MAP2: variants seen among roughly 807,000 people sequenced by gnomAD.
MAP2 encodes microtubule associated protein 2.
Under a neutral mutation model 137.6 loss-of-function variants are expected in MAP2, and 14 were observed. That is an observed-to-expected ratio of 0.10 (90% CI 0.07 to 0.16). The LOEUF (loss-of-function observed/expected upper bound fraction) is 0.16, where lower values mean the gene tolerates loss of function less well. Among genes scored for constraint, MAP2 ranks in the 10% least tolerant of loss-of-function variants. The probability of loss-of-function intolerance (pLI) is 1.00; values close to 1 mark genes in which losing one functional copy is unlikely to be tolerated. For missense variants in MAP2, 2,088 were observed against 2,191.5 expected, an observed-to-expected ratio of 0.95 and a Z score of 0.94; for synonymous variants, 786 against 782.3, an observed-to-expected ratio of 1.00 and a Z score of -0.08.
chr2:209,641,355 A>G (rs2153577705), intron 4 of MAP2, among the ~76,000 whole-genome samples: 1 of 152,310 alleles, frequency 6.6e-6, no homozygotes, highest in African/African-American at 2.4e-5. Context: ...AATCCAAATT[A>G]TAATTTTCCT....
rs1583061732 is a variant in MAP2 at position 209,674,051 on chromosome 2, G to A, written c.263-4521G>A. ...CCTATGCATCCAGGAAACTGGGTGT[G>A]AAGCCAGAAAATAAATAACAAAGAC... is the stretch of plus-strand genomic sequence containing the variant. On this transcript the variant is annotated intron_variant, in intron 5 of 15. Coordinates refer to ENST00000682079, the MANE Select transcript of MAP2 (RefSeq NM_001375505.1). 3.3e-5 allele frequency among the ~76,000 whole-genome samples: 5 copies of A among 151,702 alleles called. No homozygotes were observed. The East Asian group carries it at 7.7e-4, about 23-fold the overall frequency.
rs540088137 is a variant in MAP2, at chr2:209,434,482, T to C, written c.-222+10206T>C. 3.0e-3 allele frequency among the ~76,000 whole-genome samples: 461 copies of C among 151,920 alleles called. 2 individuals are homozygous for C. Among genetic ancestry groups the C allele is most frequent in the African/African-American group, 0.01 (433 of 41,478 alleles). ...TTTATTTTTAGGATTATTTTTATTA[T>C]GTAAATTACTTTAATGTGGAACCAT... On this transcript the variant is annotated intron_variant, in intron 1 of 15. Transcript: ENST00000682079.
chr2:209,680,605 A>G, intron 6 of MAP2, 145 bp from the exon 7 acceptor site: 1 of 682,918 alleles, frequency 1.5e-6, no homozygotes, highest in Non-Finnish European at 2.6e-6. Context: ...TAATGGGCCT[A>G]TAAATAAACC....
chr2:209,569,988 A>T (rs184663381), intron 2 of MAP2, among the ~76,000 whole-genome samples: 1 of 151,986 alleles, frequency 6.6e-6, no homozygotes, highest in Non-Finnish European at 1.5e-5. Flanking sequence ...CTCTGCCAAG[A>T]TTAAACCAGA....
chr2:209,729,854 C>T lies in MAP2; in HGVS notation c.5160C>T (p.Gly1720=), dbSNP rs780072425. ...AAGGTATTTCTTCCCTCATAGGTGG[C>T]GGACGTGTGAAAATTGAGAGTGTAA... ...SLKNIRHRPG[G]GRVKIESVKL... The change falls in exon 15 of 16, where the codon GGC becomes GGT. Residue 1720 remains glycine (G), a synonymous_variant. Transcript: ENST00000682079. The T allele has an allele frequency of 4.4e-6, 7 of 1,605,556 alleles. No individual in the cohort carries two copies. Among genetic ancestry groups the T allele is most frequent in the East Asian group, 4.5e-5 (2 of 44,808 alleles).
At chr2:209,578,319 G>C (rs903295603) in intron 2 of MAP2, among the ~76,000 whole-genome samples, 1 of 151,820 alleles carries the variant, frequency 6.6e-6, no homozygotes, top group Non-Finnish European at 1.5e-5. Flanking sequence ...AAATTAGCTA[G>C]TGATTAAAAA....
intron 2 of MAP2, among the ~76,000 whole-genome samples, chr2:209,552,384 A>G (rs974308722): frequency 6.6e-6 from 1 of 152,182 alleles, no homozygotes. Flanking sequence ...GACATTTAGC[A>G]CAGTGCCAGG....
intron 3 of MAP2, among the ~76,000 whole-genome samples, chr2:209,606,046 T>G (rs967945944): frequency 6.6e-6 from 1 of 152,052 alleles, no homozygotes; most frequent in Admixed American, 6.5e-5. Context: ...AAATGATCAG[T>G]TTTTTTAGTG....
At position 209,582,367 on chromosome 2, in the gene MAP2, G is replaced by A. The variant is rs188211983; in HGVS notation, c.-107+2267G>A. Among the ~76,000 whole-genome samples the A allele has an allele frequency of 4.6e-5, 7 of 152,070 alleles. No individual in the cohort carries two copies. In the East Asian group the frequency reaches 1.4e-3, roughly 29 times the overall value. On this transcript the variant is annotated intron_variant, in intron 3 of 15. Coordinates refer to ENST00000682079, the MANE Select transcript of MAP2 (RefSeq NM_001375505.1). ...GGCTGTACGGAATAGGATTTTTCTG[G>A]TTTTAGATTAAAACGGAAAGAATTC...
At chr2:209,708,366 C>A (rs2064168086) in intron 12 of MAP2, among the ~76,000 whole-genome samples, 1 of 152,300 alleles carries the variant, frequency 6.6e-6, no homozygotes, top group East Asian at 1.9e-4. Context: ...GTCTAACTAT[C>A]TTGTGCCCTG....
chr2:209,693,137 A>G lies in MAP2; in HGVS notation c.967A>G (p.Thr323Ala), dbSNP rs755499233. ...MPSPFQGGSF[T>A]LPLDVMKNEI... ...AAGTCCCTTTCAAGGGGGAAGCTTC[A>G]CTCTTCCTTTAGATGTCATGAAGAA... Residue 323 changes from threonine (T) to alanine (A), a missense_variant, in exon 8 of 16, where the codon ACT becomes GCT. Thr to Ala is a moderately conservative substitution (Grantham distance 58, BLOSUM62 0). Coordinates refer to ENST00000682079, the MANE Select transcript of MAP2 (RefSeq NM_001375505.1). 8 of 1,611,312 alleles carry G rather than the reference A, an allele frequency of 5.0e-6. No individual in the cohort carries two copies. In the East Asian group the frequency reaches 1.6e-4, roughly 31 times the overall value.
At chr2:209,679,028 C>G (rs2053278912) in intron 6 of MAP2, among the ~76,000 whole-genome samples, 1 of 152,068 alleles carries the variant, frequency 6.6e-6, no homozygotes, top group South Asian at 2.1e-4. Flanking sequence ...TATACTAAAA[C>G]TTTCATAAGA....
At chr2:209,490,975 A>C (rs1474985006) in intron 1 of MAP2, among the ~76,000 whole-genome samples, 1 of 152,138 alleles carries the variant, frequency 6.6e-6, no homozygotes, top group Non-Finnish European at 1.5e-5. Context: ...AGAACTCTCC[A>C]CCCCAAATCA....
intron 5 of MAP2, among the ~76,000 whole-genome samples, chr2:209,659,592 T>C (rs1300284697): frequency 1.3e-5 from 2 of 152,216 alleles, no homozygotes; most frequent in Non-Finnish European, 2.9e-5. Context: ...ATCATAACTT[T>C]ATTCCTAGTT....
In MAP2 at chr2:209,696,915, A is replaced by G; in HGVS notation, c.4388-2A>G. 6.3e-7 allele frequency: 1 copy of G among 1,594,930 alleles called. No homozygotes were observed. The highest frequency in any genetic ancestry group is 8.5e-7 in the Non-Finnish European group (1 of 1,175,022). On this transcript the variant is annotated splice_acceptor_variant, in intron 9 of 15. Coordinates refer to ENST00000682079, the MANE Select transcript of MAP2 (RefSeq NM_001375505.1). LOFTEE classifies it high-confidence loss of function. The stretch of plus-strand genomic sequence containing the variant: ...ATGCTTTTTGTGTTTTCTTATTCAT[A>G]GCAGTTTATAAGAAGGCTGAACTTG...
At chr2:209,496,558 A>G (rs1274289603) in intron 1 of MAP2, among the ~76,000 whole-genome samples, 1 of 152,120 alleles carries the variant, frequency 6.6e-6, no homozygotes. Context: ...ATCACGTAAA[A>G]TCATACCCTC....
intron 4 of MAP2, among the ~76,000 whole-genome samples, chr2:209,626,842 A>G (rs2092398063): frequency 6.6e-6 from 1 of 152,158 alleles, no homozygotes; most frequent in South Asian, 2.1e-4. Flanking sequence ...ATTATTAATT[A>G]TTATTTCTAA....
At chr2:209,635,261 G>GA (rs2093451776) in intron 4 of MAP2, among the ~76,000 whole-genome samples, 1 of 151,972 alleles carries the variant, frequency 6.6e-6, no homozygotes, top group Admixed American at 6.6e-5. Flanking sequence ...AATTAATGTA[G>GA]AAAACCTCAT....
chr2:209,692,972 G>A lies in MAP2; in HGVS notation c.802G>A (p.Glu268Lys), dbSNP rs147043359. 83 of 1,613,874 alleles carry A rather than the reference G, an allele frequency of 5.1e-5. No homozygotes were observed. The African/African-American group carries it at 6.9e-4, about 13-fold the overall frequency. ...TPKEQKDWFI[E>K]MPTEAKKDEW... ...AAAAGAACAAAAGGACTGGTTCATC[G>A]AAATGCCAACGGAAGCAAAAAAGGA... Residue 268 changes from glutamate (E) to lysine (K), a missense_variant, in exon 8 of 16, where the codon GAA becomes AAA. Coordinates refer to ENST00000682079, the MANE Select transcript of MAP2 (RefSeq NM_001375505.1).
Sources: gnomAD v4.1 joint callset for allele counts (sites outside exome capture counted in the v4.1 genomes callset) on GRCh38, gnomAD v4.1.1 for gene constraint, MANE v1.5 for transcripts, NCBI Gene and HGNC (gene_info 2026-07-23, HGNC 2026-07-21) for gene names.